Variants in CACNA2D3 observed in about 807,000 individuals in gnomAD.
CACNA2D3 encodes the protein calcium voltage-gated channel auxiliary subunit alpha2delta 3, also known as voltage-dependent calcium channel subunit alpha-2/delta-3.
Under a neutral mutation model 160.6 loss-of-function variants are expected in CACNA2D3, and 60 were observed. That is an observed-to-expected ratio of 0.37 (90% CI 0.30 to 0.46). The LOEUF is 0.46. Among genes scored for constraint, CACNA2D3 ranks in the 20% least tolerant of loss-of-function variants. The pLI, the probability that CACNA2D3 is intolerant of heterozygous loss-of-function variation, is 1.00. For synonymous variants in CACNA2D3, 558 were observed against 492.9 expected (o/e 1.13, Z -1.75); for missense variants, 1,205 against 1,365.0 (o/e 0.88, Z 1.85).
At chr3:54,199,551 T>G (rs772437553) in intron 2 of CACNA2D3, among the ~76,000 whole-genome samples, 5 of 152,016 alleles carry the variant, frequency 3.3e-5, no homozygotes, top group Non-Finnish European at 7.4e-5. Context: ...TTTATTTTTT[T>G]TTGTAGAGAC....
chr3:55,013,173 A>G (rs1448398252), intron 34 of CACNA2D3, among the ~76,000 whole-genome samples: 1 of 152,182 alleles, frequency 6.6e-6, no homozygotes, highest in Non-Finnish European at 1.5e-5. Flanking sequence ...GAGCTGGCAC[A>G]TAGATTATCT....
At chr3:54,169,268 G>A (rs1185454599) in intron 2 of CACNA2D3, among the ~76,000 whole-genome samples, 6 of 152,196 alleles carry the variant, frequency 3.9e-5, no homozygotes, top group African/African-American at 1.4e-4. Context: ...AACGGCCTGT[G>A]TGATTAGGGT....
chr3:54,496,430 G>A (rs574178724), intron 4 of CACNA2D3, among the ~76,000 whole-genome samples: 5 of 152,146 alleles, frequency 3.3e-5, no homozygotes, highest in Non-Finnish European at 2.9e-5. Context: ...GTTGGTCTGC[G>A]GATTGACCAT....
chr3:54,753,049 C>T (rs1411704920), intron 12 of CACNA2D3, among the ~76,000 whole-genome samples: 4 of 151,834 alleles, frequency 2.6e-5, no homozygotes, highest in South Asian at 2.1e-4. Flanking sequence ...TTAGTAGAGA[C>T]GGGGTTTCGC....
At chr3:54,216,401 G>A (rs887377473) in intron 2 of CACNA2D3, among the ~76,000 whole-genome samples, 4 of 152,148 alleles carry the variant, frequency 2.6e-5, no homozygotes, top group Non-Finnish European at 4.4e-5. Flanking sequence ...ATAATAAACA[G>A]AAGCCAATAC....
At chr3:54,598,249 A>G (rs1423660956) in intron 9 of CACNA2D3, among the ~76,000 whole-genome samples, 1 of 135,690 alleles carries the variant, frequency 7.4e-6, no homozygotes, top group Non-Finnish European at 1.5e-5. Flanking sequence ...CGGAGGTTGC[A>G]GTGAGCCGAG....
chr3:54,350,991 T>TTTTTTTTTTTTTTTTTTTTTTTG (rs1698551366), intron 3 of CACNA2D3, among the ~76,000 whole-genome samples: 1 of 100,060 alleles, frequency 1.0e-5, no homozygotes, highest in Non-Finnish European at 2.1e-5. Context: ...TGTTTGTTTT[T>TTTTTTTTTTTTTTTTTTTTTTTG]TTTTTTTTTT....
chr3:54,379,557 G>A (rs902897576), intron 3 of CACNA2D3, among the ~76,000 whole-genome samples: 5 of 152,234 alleles, frequency 3.3e-5, no homozygotes, highest in African/African-American at 1.2e-4. Context: ...CATTTCTGCA[G>A]GTTATTCATT....
At chr3:54,769,599 G>A (rs2107109415) in intron 13 of CACNA2D3, among the ~76,000 whole-genome samples, 1 of 152,030 alleles carries the variant, frequency 6.6e-6, no homozygotes, top group East Asian at 1.9e-4. Context: ...TGCCTTCCAG[G>A]GTTCACTCTA....
intron 26 of CACNA2D3, among the ~76,000 whole-genome samples, chr3:54,897,574 G>A (rs1314907050): frequency 6.6e-6 from 1 of 152,016 alleles, no homozygotes; most frequent in African/African-American, 2.4e-5. Flanking sequence ...GCAGAAACTT[G>A]AGAGATGAAG....
intron 2 of CACNA2D3, among the ~76,000 whole-genome samples, chr3:54,284,587 A>G (rs1259914367): frequency 6.6e-6 from 1 of 152,200 alleles, no homozygotes; most frequent in Admixed American, 6.5e-5. Context: ...TTTAAGGATG[A>G]CATCTAATAT....
At chr3:54,781,878 T>A (rs1371571253) in intron 13 of CACNA2D3, among the ~76,000 whole-genome samples, 1 of 152,204 alleles carries the variant, frequency 6.6e-6, no homozygotes, top group Non-Finnish European at 1.5e-5. Context: ...AACGTTCTAT[T>A]TGGAGTCAGG....
chr3:55,010,443 G>T (rs1404515878), intron 34 of CACNA2D3, among the ~76,000 whole-genome samples: 1 of 152,158 alleles, frequency 6.6e-6, no homozygotes, highest in Non-Finnish European at 1.5e-5. Flanking sequence ...TATAATGGTG[G>T]TGACACTGTG....
intron 27 of CACNA2D3, among the ~76,000 whole-genome samples, chr3:54,965,183 C>T (rs1033137788): frequency 6.6e-6 from 1 of 152,122 alleles, no homozygotes; most frequent in South Asian, 2.1e-4. Context: ...GGCTGTGCTG[C>T]AAGAAAACTT....
intron 2 of CACNA2D3, among the ~76,000 whole-genome samples, chr3:54,296,041 G>A (rs562807182): frequency 3.2e-4 from 49 of 152,282 alleles, no homozygotes; most frequent in African/African-American, 8.4e-4. Flanking sequence ...GTTGGAGGAC[G>A]TCCCTTGGGC....
At position 54,907,579 on chromosome 3, in the gene CACNA2D3, C is replaced by T. The variant is rs549284868; in HGVS notation, c.2449+7711C>T. On this transcript the variant is annotated intron_variant, in intron 27 of 37. Transcript: ENST00000474759. ...CTTCATTAAGAATTACCATATGTTACGCCCACTGCTGCTCACTAGTCAGTG... is the reference window on the plus strand; with the variant it reads ...CTTCATTAAGAATTACCATATGTTATGCCCACTGCTGCTCACTAGTCAGTG... 5.9e-5 allele frequency among the ~76,000 whole-genome samples: 9 copies of T among 152,238 alleles called. No individual in the cohort carries two copies. In the South Asian group the frequency reaches 6.2e-4, roughly 11 times the overall value.
chr3:54,786,492 C>G (rs1293338033), intron 13 of CACNA2D3, among the ~76,000 whole-genome samples: 1 of 152,178 alleles, frequency 6.6e-6, no homozygotes, highest in Non-Finnish European at 1.5e-5. Context: ...TTATACAATA[C>G]AGTATGGTTA....
At chr3:54,129,850 A>G (rs1255054582) in intron 2 of CACNA2D3, among the ~76,000 whole-genome samples, 1 of 152,178 alleles carries the variant, frequency 6.6e-6, no homozygotes, top group Admixed American at 6.5e-5. Context: ...GCCTGTGCCA[A>G]TAAAAATGGA....
chr3:54,203,567 G>A (rs1007430132), intron 2 of CACNA2D3, among the ~76,000 whole-genome samples: 1 of 152,190 alleles, frequency 6.6e-6, no homozygotes, highest in African/African-American at 2.4e-5. Flanking sequence ...GAAAATGAGG[G>A]CAAAGTTTTA....
Sources: allele counts gnomAD v4.1 joint callset (sites outside exome capture counted in the v4.1 genomes callset), GRCh38; gene constraint gnomAD v4.1.1; transcripts MANE v1.5; gene names NCBI Gene and HGNC (gene_info 2026-07-23, HGNC 2026-07-21).